The following DOCK3 variants were observed in gnomAD, a reference collection of about 807,000 sequenced individuals.
DOCK3 encodes the protein dedicator of cytokinesis protein 3.
DOCK3 carries 60 observed loss-of-function variants against 265.6 expected under a neutral mutation model. That is an observed-to-expected ratio of 0.23 (90% CI 0.18 to 0.28). The LOEUF is 0.28. DOCK3 is among the 10% of genes least tolerant of loss of function. The pLI is 1.00. For synonymous variants in DOCK3, 881 were observed against 938.0 expected, an observed-to-expected ratio of 0.94 and a Z score of 1.11; for missense variants, 1,981 against 2,594.3, an observed-to-expected ratio of 0.76 and a Z score of 5.14.
chr3:51,137,860 T>G (rs1374327588), intron 9 of DOCK3, among the ~76,000 whole-genome samples: 1 of 152,208 alleles, frequency 6.6e-6, no homozygotes, highest in Non-Finnish European at 1.5e-5. Flanking sequence ...AGAAAGATGG[T>G]TTCTCATTCA....
At chr3:51,268,650 CTG>C (rs2080326313) in intron 23 of DOCK3, among the ~76,000 whole-genome samples, 1 of 152,118 alleles carries the variant, frequency 6.6e-6, no homozygotes. Flanking sequence ...CCGCTTGCCT[CTG>C]TGTTGCCTCT....
chr3:50,797,814 T>C (rs2042870616), intron 2 of DOCK3, among the ~76,000 whole-genome samples: 1 of 152,256 alleles, frequency 6.6e-6, no homozygotes, highest in African/African-American at 2.4e-5. Flanking sequence ...TGGCCATTTA[T>C]ATGTCTTTTT....
At chr3:51,256,133 C>T (rs2079531608) in intron 22 of DOCK3, among the ~76,000 whole-genome samples, 1 of 152,176 alleles carries the variant, frequency 6.6e-6, no homozygotes, top group Non-Finnish European at 1.5e-5. Flanking sequence ...TGCCGGAGGT[C>T]CACTCCAGAC....
At chr3:51,003,031 G>A (rs1174236278) in intron 5 of DOCK3, among the ~76,000 whole-genome samples, 3 of 152,050 alleles carry the variant, frequency 2.0e-5, no homozygotes, top group Non-Finnish European at 2.9e-5. Flanking sequence ...CTTAGATATG[G>A]GGCATAGAGT....
chr3:51,121,987 G>A (rs979484099), intron 9 of DOCK3, among the ~76,000 whole-genome samples: 2 of 152,176 alleles, frequency 1.3e-5, no homozygotes, highest in African/African-American at 4.8e-5. Context: ...AATGGTCATA[G>A]TCATGGACTC....
At chr3:51,178,231 T>C (rs1282772324) in intron 12 of DOCK3, among the ~76,000 whole-genome samples, 1 of 152,174 alleles carries the variant, frequency 6.6e-6, no homozygotes, top group African/African-American at 2.4e-5. Context: ...TATCAGGGTT[T>C]GATGGAAAGA....
At chr3:50,719,843 T>C (rs1576224350) in intron 1 of DOCK3, 1 of 734,530 alleles carries the variant, frequency 1.4e-6, no homozygotes, top group Non-Finnish European at 2.5e-6. Context: ...TATAACCAAA[T>C]GCATTCTTTC....
chr3:50,969,727 A>G (rs907352318), intron 5 of DOCK3, among the ~76,000 whole-genome samples: 2 of 152,202 alleles, frequency 1.3e-5, no homozygotes, highest in African/African-American at 2.4e-5. Context: ...GTCATTCATG[A>G]TGAAACTTAG....
chr3:50,865,248 C>T (rs2047085529), intron 3 of DOCK3, among the ~76,000 whole-genome samples: 1 of 152,084 alleles, frequency 6.6e-6, no homozygotes, highest in Admixed American at 6.6e-5. Flanking sequence ...CTGATACATT[C>T]TCCCTATTTG....
chr3:50,959,417 A>T (rs1001695815), intron 5 of DOCK3, among the ~76,000 whole-genome samples: 4 of 151,700 alleles, frequency 2.6e-5, no homozygotes, highest in Non-Finnish European at 5.9e-5. Context: ...GATAGTCTTC[A>T]TGTTATACAT....
rs1012542269 is a variant in DOCK3, at chr3:51,319,047, T to G, written c.3402+3919T>G. Among the ~76,000 whole-genome samples, 3 of 152,232 alleles carry G rather than the reference T, an allele frequency of 2.0e-5. No homozygotes were observed. The South Asian group carries it at 6.2e-4, about 32-fold the overall frequency. On this transcript the variant is annotated intron_variant, in intron 32 of 52. Transcript: ENST00000266037. ...TACTCTATATATCTCTTATTTTTCT[T>G]GCTGTATCACATCAGCCAGGACCTC...
At chr3:51,143,259 GTTT>G (rs150547534) in intron 9 of DOCK3, among the ~76,000 whole-genome samples, 32 of 147,736 alleles carry the variant, frequency 2.2e-4, no homozygotes, top group East Asian at 8.1e-4. Context: ...TTTGTTTTCT[GTTT>G]TTTTTTTTTA....
intron 3 of DOCK3, among the ~76,000 whole-genome samples, chr3:50,842,122 T>C (rs1231090667): frequency 6.6e-6 from 1 of 152,184 alleles, no homozygotes; most frequent in Non-Finnish European, 1.5e-5. Context: ...TTTATTGAAA[T>C]ATGAATTTAA....
intron 5 of DOCK3, among the ~76,000 whole-genome samples, chr3:51,016,591 T>TTTA (rs2079274265): frequency 4.5e-5 from 4 of 89,748 alleles, no homozygotes; most frequent in African/African-American, 1.4e-4. Flanking sequence ...ATATCATATA[T>TTTA]TATATATGAT....
intron 9 of DOCK3, among the ~76,000 whole-genome samples, chr3:51,120,152 T>G (rs1469548927): frequency 6.6e-6 from 1 of 152,180 alleles, no homozygotes; most frequent in Non-Finnish European, 1.5e-5. Flanking sequence ...AGTTTATGCA[T>G]GGTCGTATTT....
chr3:50,718,047 C>T (rs1559547356), intron 1 of DOCK3, among the ~76,000 whole-genome samples: 1 of 152,100 alleles, frequency 6.6e-6, no homozygotes, highest in Non-Finnish European at 1.5e-5. Context: ...ATTTCAATTC[C>T]AGTGGTTACA....
At chr3:51,123,834 G>A (rs1211782823) in intron 9 of DOCK3, among the ~76,000 whole-genome samples, 1 of 152,152 alleles carries the variant, frequency 6.6e-6, no homozygotes, top group Non-Finnish European at 1.5e-5. Flanking sequence ...GCCACGCTTA[G>A]TTGTTGGGAA....
intron 3 of DOCK3, among the ~76,000 whole-genome samples, chr3:50,866,331 G>A (rs1180571000): frequency 1.3e-5 from 2 of 151,930 alleles, no homozygotes; most frequent in East Asian, 1.9e-4. Flanking sequence ...CTAAAAATAC[G>A]AAAATTAGCT....
At chr3:51,290,186 T>C (rs2081653238) in intron 27 of DOCK3, among the ~76,000 whole-genome samples, 1 of 152,212 alleles carries the variant, frequency 6.6e-6, no homozygotes, top group Non-Finnish European at 1.5e-5. Context: ...CATTACTGGG[T>C]ATATACCCAG....
Sources: gnomAD v4.1 joint callset for allele counts (sites outside exome capture counted in the v4.1 genomes callset) on GRCh38, gnomAD v4.1.1 for gene constraint, MANE v1.5 for transcripts, NCBI Gene and HGNC (gene_info 2026-07-23, HGNC 2026-07-21) for gene names.